SEMA4D: variants seen among roughly 807,000 people sequenced by gnomAD.
SEMA4D encodes semaphorin 4D, also known as semaphorin-4D.
A neutral mutation model predicts 74.8 loss-of-function variants in SEMA4D; 22 were observed. The ratio of observed to expected loss-of-function variants is 0.29; its 90% CI spans 0.21 to 0.42. The LOEUF (loss-of-function observed/expected upper bound fraction) is 0.42. Among genes scored for constraint, SEMA4D ranks in the 10% least tolerant of loss-of-function variants. SEMA4D has a pLI of 1.00. For synonymous variants in SEMA4D, 445 were observed against 463.7 expected, an observed-to-expected ratio of 0.96 and a Z score of 0.52; for missense variants, 937 against 1,118.4, an observed-to-expected ratio of 0.84 and a Z score of 2.31.
chr9:89,362,314 G>T, exon 19 of SEMA4D: 3 of 1,611,288 alleles, frequency 1.9e-6, no homozygotes, highest in Non-Finnish European at 2.5e-6. Flanking sequence ...AGTTGTGGGG[G>T]ACCAGGCCTT....
intron 16 of SEMA4D, chr9:89,364,543 A>G (rs1206992463): frequency 5.9e-6 from 1 of 168,678 alleles, no homozygotes; most frequent in Non-Finnish European, 1.3e-5. Flanking sequence ...GAATTACACT[A>G]GGACTGCCGA....
At chr9:89,412,456 T>C (rs796778257) in intron 2 of SEMA4D, among the ~76,000 whole-genome samples, 5 of 152,314 alleles carry the variant, frequency 3.3e-5, no homozygotes, top group African/African-American at 1.2e-4. Flanking sequence ...ACTGGTGCTG[T>C]TTATGCGGTT....
chr9:89,438,822 C>T (rs1405610147), intron 2 of SEMA4D, among the ~76,000 whole-genome samples: 3 of 151,734 alleles, frequency 2.0e-5, no homozygotes, highest in Admixed American at 6.6e-5. Context: ...CATACCATCA[C>T]GCCCGGCTAA....
chr9:89,419,743 T>C (rs1365499796), intron 2 of SEMA4D, among the ~76,000 whole-genome samples: 1 of 146,544 alleles, frequency 6.8e-6, no homozygotes, highest in African/African-American at 2.5e-5. Flanking sequence ...CAAAACCCCG[T>C]CTCTATCAAA....
Position 89,388,858 on chromosome 9 carries a change from C to G in SEMA4D, c.950+14G>C, listed in dbSNP as rs919885798. 6.8e-6 allele frequency: 11 copies of G among 1,612,426 alleles called. No individual in the cohort carries two copies. Among genetic ancestry groups the G allele is most frequent in the Non-Finnish European group, 9.3e-6 (11 of 1,178,670 alleles). ...CAAGGGAGCAAGGAGGGGGACTCCA[C>G]CCAGGGCACTTACAGCTGTGGGGTG... On this transcript the variant is annotated intron_variant, in intron 10 of 15. Transcript: ENST00000422704.
In SEMA4D at chr9:89,388,948, C is replaced by G; in HGVS notation, c.874G>C (p.Val292Leu). ...CTGAGCACGAAGACATCCCGCAGCA[C>G]ATTGAAGACCAAGCCGCTGTCTGGC... The part of the protein sequence containing the change: ...SRPDSGLVFN[V>L]LRDVFVLRSP... Residue 292 changes from valine (V) to leucine (L), a missense_variant, in exon 10 of 16, where the codon GTG (valine) becomes CTG (leucine). Physicochemically the swap from Val to Leu is conservative, Grantham distance 32 (BLOSUM62 1). Coordinates refer to ENST00000422704, the MANE Select transcript of SEMA4D (RefSeq NM_001371194.2). 6.2e-7 allele frequency: 1 copy of G among 1,614,164 alleles called. No homozygotes were observed. Among genetic ancestry groups the G allele is most frequent in the Non-Finnish European group, 8.5e-7 (1 of 1,180,032 alleles).
chr9:89,384,297 C>T (rs747336489), intron 13 of SEMA4D, among the ~76,000 whole-genome samples: 6 of 152,214 alleles, frequency 3.9e-5, no homozygotes, highest in Non-Finnish European at 5.9e-5. Context: ...GCGGTATTCA[C>T]ATACGACAGA....
intron 5 of SEMA4D, among the ~76,000 whole-genome samples, chr9:89,398,896 C>A (rs1282487616): frequency 6.6e-6 from 1 of 152,238 alleles, no homozygotes; most frequent in African/African-American, 2.4e-5. Flanking sequence ...ACTAGCAACT[C>A]CTCCAAGCCT....
chr9:89,436,160 C>T (rs1850348744), intron 2 of SEMA4D, among the ~76,000 whole-genome samples: 1 of 152,256 alleles, frequency 6.6e-6, no homozygotes, highest in Non-Finnish European at 1.5e-5. Flanking sequence ...TCTGGTTGTC[C>T]AGAAGGGCAG....
intron 2 of SEMA4D, chr9:89,450,687 A>AAAAAAAAAAAAAT (rs1372309489): frequency 7.1e-6 from 7 of 982,476 alleles, no homozygotes; most frequent in East Asian, 2.5e-5. Flanking sequence ...AAAAAAAAAA[A>AAAAAAAAAAAAAT]GGCCTCCAAG....
At chr9:89,482,537 C>G (rs1824802189) in intron 1 of SEMA4D, among the ~76,000 whole-genome samples, 2 of 152,206 alleles carry the variant, frequency 1.3e-5, no homozygotes, top group South Asian at 4.1e-4. Context: ...CACACTCTGC[C>G]TCCTCCAGCA....
Position 89,378,894 on chromosome 9 carries a change from G to A in SEMA4D, c.2399C>T (p.Ser800Phe), listed in dbSNP as rs1836327476. The change falls in exon 16 of 16, where the codon TCC becomes TTC. Residue 800 changes from serine to phenylalanine, a missense_variant. By Grantham distance (155) the Ser-to-Phe change is radical (BLOSUM62 -2). Coordinates refer to ENST00000422704, the MANE Select transcript of SEMA4D (RefSeq NM_001371194.2). The part of the protein sequence containing the change: ...KETLVEPGSF[S>F]QQNGEHPKPA... ...CTTGGGGTGCTCCCCATTCTGCTGG[G>A]AGAAGCTCCCTGGCTCTACTAACGT... The A allele has an allele frequency of 6.2e-7, 1 of 1,614,228 alleles. No individual in the cohort carries two copies. The highest frequency in any genetic ancestry group is 1.1e-5 in the South Asian group (1 of 91,084).
intron 2 of SEMA4D, chr9:89,418,405 T>C (rs1846162764): frequency 2.0e-6 from 2 of 985,468 alleles, no homozygotes; most frequent in Non-Finnish European, 2.4e-6. Flanking sequence ...AGGTGTACTT[T>C]CTTGCACAAT....
intron 1 of SEMA4D, among the ~76,000 whole-genome samples, chr9:89,457,829 C>T (rs1053858035): frequency 6.6e-6 from 1 of 151,830 alleles, no homozygotes; most frequent in African/African-American, 2.4e-5. Context: ...GTTAGGAGAT[C>T]GAGACCATCC....
At chr9:89,477,526 C>T (rs1395857292) in intron 1 of SEMA4D, among the ~76,000 whole-genome samples, 2 of 152,178 alleles carry the variant, frequency 1.3e-5, no homozygotes, top group Non-Finnish European at 2.9e-5. Context: ...CACATGGCTT[C>T]GTAGCACACT....
At chr9:89,452,563 T>G (rs1235873715) in intron 2 of SEMA4D, among the ~76,000 whole-genome samples, 1 of 152,178 alleles carries the variant, frequency 6.6e-6, no homozygotes, top group African/African-American at 2.4e-5. Context: ...GCGATTCTCC[T>G]ATCTCAGCCT....
chr9:89,465,448 A>G (rs563508810), intron 1 of SEMA4D, among the ~76,000 whole-genome samples: 4 of 148,854 alleles, frequency 2.7e-5, no homozygotes, highest in Non-Finnish European at 6.1e-5. Flanking sequence ...TCACAAAAAG[A>G]CATGGAGTTG....
chr9:89,404,708 C>T (rs1250792027), intron 3 of SEMA4D, among the ~76,000 whole-genome samples: 10 of 150,442 alleles, frequency 6.6e-5, no homozygotes, highest in Admixed American at 1.3e-4. Flanking sequence ...AGCCACCCAC[C>T]GCAGCATCCC....
downstream of SEMA4D, chr9:89,377,098 C>T (rs1420918221): frequency 8.0e-6 from 12 of 1,496,042 alleles, no homozygotes; most frequent in Non-Finnish European, 1.1e-5. Context: ...AGGAAGAAGT[C>T]GCCAGGAGCA....
Sources: gnomAD v4.1 joint callset for allele counts (sites outside exome capture counted in the v4.1 genomes callset) on GRCh38, gnomAD v4.1.1 for gene constraint, MANE v1.5 for transcripts, NCBI Gene and HGNC (gene_info 2026-07-23, HGNC 2026-07-21) for gene names.